Variants in DSP observed in about 807,000 individuals in gnomAD.
The protein encoded by DSP is 250/210 kDa paraneoplastic pemphigus antigen.
Under a neutral mutation model 290.6 loss-of-function variants are expected in DSP, and 114 were observed. That is an observed-to-expected ratio of 0.39 (90% CI 0.34 to 0.46). The LOEUF is 0.46. DSP is among the 20% of genes least tolerant of loss of function. The probability of loss-of-function intolerance (pLI) is 0.99; values close to 1 mark genes in which losing one functional copy is unlikely to be tolerated. For synonymous variants in DSP, 1,311 were observed against 1,316.4 expected (o/e 1.00, Z 0.09); for missense variants, 3,230 against 3,495.8 (o/e 0.92, Z 1.92).
At position 7,565,377 on chromosome 6, in the gene DSP, A is replaced by C. The variant is rs1758827543; in HGVS notation, c.796A>C (p.Met266Leu). 1 of 1,613,964 alleles carries C rather than the reference A, an allele frequency of 6.2e-7. No homozygotes were observed. The highest frequency in any genetic ancestry group is 1.3e-5 in the African/African-American group (1 of 74,896). ...ENLLKASFER[M>L]DHLRQLQNII... is the part of the protein sequence containing the mutation. ...TGTGCAGAAAGCGTCCTTTGAGAGG[A>C]TGGATCACCTGCGACAGCTGCAGAA... Residue 266 changes from methionine (M) to leucine (L), a missense_variant, in exon 7 of 24, where the codon ATG (methionine) becomes CTG (leucine). Physicochemically the swap from Met to Leu is conservative, Grantham distance 15 (BLOSUM62 2). This residue lies in a region of DSP where 646 missense variants were observed against 684.3 expected (regional missense o/e 0.94). Coordinates refer to ENST00000379802, the MANE Select transcript of DSP (RefSeq NM_004415.4). The surrounding 1 kb of genome is among the most constrained non-coding windows in gnomAD (Gnocchi z 4.2).
intron 1 of DSP, among the ~76,000 whole-genome samples, chr6:7,544,936 T>C (rs1039448892): frequency 2.2e-4 from 34 of 152,212 alleles, no homozygotes; most frequent in African/African-American, 7.7e-4. Flanking sequence ...AAATTTTGGA[T>C]TCTTCTTGGA....
chr6:7,566,248 C>T (rs1758860232), intron 7 of DSP, 129 bp from the exon 8 acceptor site: 9 of 770,728 alleles, frequency 1.2e-5, no homozygotes, highest in Non-Finnish European at 2.0e-5. Context: ...TTGAGGAAAA[C>T]AGCGTGATTC....
rs752057967 is a variant in DSP at position 7,583,854 on chromosome 6, C to G, written c.6592C>G (p.Leu2198Val). ...GTGCAGAATCGAACCACATACTGGT[C>G]TGCTCTTGCTTTCAGTACAGAAGAG... ...ERCRIEPHTG[L>V]LLLSVQKRSM... Residue 2198 changes from leucine to valine, a missense_variant, in exon 24 of 24, where the codon CTG becomes GTG. Physicochemically the swap from Leu to Val is conservative, Grantham distance 32. Around this residue, in one of 5 missense-constraint regions of DSP, gnomAD observed 1,714 missense variants for 1,844.5 expected, o/e 0.93. Transcript: ENST00000379802. The surrounding 1 kb of genome is among the most constrained non-coding windows in gnomAD (Gnocchi z 4.0). 2.5e-5 allele frequency: 41 copies of G among 1,614,012 alleles called. No homozygotes were observed. Among genetic ancestry groups the G allele is most frequent in the Non-Finnish European group, 3.3e-5 (39 of 1,180,038 alleles).
chr6:7,575,976 G>A (rs762800340), intron 18 of DSP, among the ~76,000 whole-genome samples: 19 of 152,216 alleles, frequency 1.2e-4, no homozygotes, highest in African/African-American at 4.1e-4. Flanking sequence ...ACTTAGTATC[G>A]TGCTTTCAGA....
At chr6:7,570,171 T>C (rs1397680488) in intron 12 of DSP, among the ~76,000 whole-genome samples, 2 of 152,206 alleles carry the variant, frequency 1.3e-5, no homozygotes, top group East Asian at 1.9e-4. Context: ...CTTAGACCTC[T>C]GTCAATTACA....
Position 7,558,223 on chromosome 6 carries a change from G to A in DSP, c.381G>A (p.Glu127=). The A allele has an allele frequency of 6.2e-7, 1 of 1,614,244 alleles. No homozygotes were observed. The highest frequency in any genetic ancestry group is 1.1e-5 in the South Asian group (1 of 91,084). The change falls in exon 3 of 24, where the codon GAG becomes GAA. Residue 127 remains glutamate, a synonymous_variant. Coordinates refer to ENST00000379802, the MANE Select transcript of DSP (RefSeq NM_004415.4). ...QMEILDSLIR[E]MRQMGQPCDA... ...AAATCCTCGACAGCTTGATCAGAGA[G>A]ATGCGGCAGATGGGCCAGCCCTGTG... is the stretch of plus-strand genomic sequence containing the variant.
chr6:7,583,384 G>C lies in DSP; in HGVS notation c.6122G>C (p.Ser2041Thr). 6.2e-7 allele frequency: 1 copy of C among 1,614,124 alleles called. No individual in the cohort carries two copies. Among genetic ancestry groups the C allele is most frequent in the Non-Finnish European group, 8.5e-7 (1 of 1,180,042 alleles). The change falls in exon 24 of 24, where the codon AGC becomes ACC. Residue 2041 changes from serine to threonine, a missense_variant. By Grantham distance (58) the Ser-to-Thr change is moderately conservative. Transcript: ENST00000379802. This position sits in a 1 kb window ranked among gnomAD's most constrained non-coding sequence, Gnocchi z 4.0. ...GAGGCCAAGAGAAAGAAATTAATCA[G>C]CCCAGAATCCACAGTCATGCTTCTG... ...LVEAKRKKLI[S>T]PESTVMLLEA...
Position 7,585,313 on chromosome 6 carries a change from TGGC to T in DSP, c.8052_8054del (p.Met2684_Ala2685delinsIle), listed in dbSNP as rs1759615468. 1 of 1,614,096 alleles carries T rather than the reference TGGC, an allele frequency of 6.2e-7. No homozygotes were observed. ...TCCCAGGGTGTGATTGACCAAGACA[TGGC>T]CACCAGGCTGAAGCCTGCTCAGAAA... On this transcript the variant is annotated inframe_deletion, in exon 24 of 24. Transcript: ENST00000379802.
rs1581799899 is a variant in DSP, at chr6:7,565,913, C to T, written c.939+393C>T. The T allele has an allele frequency of 8.8e-6, 3 of 340,074 alleles. No individual in the cohort carries two copies. Among genetic ancestry groups the T allele is most frequent in the Non-Finnish European group, 1.7e-5 (3 of 178,690 alleles). The allele number at this position is 340,074 out of a possible 1,614,324, so 21.1% of individuals were successfully genotyped here. A position where few individuals can be genotyped will look rare whatever the true frequency, so the allele number is the denominator to read the frequency against. ...ATCGTGGGTGATGAAATAACCTGTA[C>T]AACAAATCCCTGTGATACAAGTTTA... On this transcript the variant is annotated intron_variant, in intron 7 of 23. Transcript: ENST00000379802. The surrounding 1 kb of genome is among the most constrained non-coding windows in gnomAD (Gnocchi z 4.2).
chr6:7,549,708 T>A (rs974287048), intron 1 of DSP, among the ~76,000 whole-genome samples: 3 of 152,142 alleles, frequency 2.0e-5, no homozygotes, highest in Non-Finnish European at 4.4e-5. Flanking sequence ...TATGAGTCTT[T>A]CTGGCATATG....
chr6:7,574,409 C>T lies in DSP; in HGVS notation c.2297+157C>T, dbSNP rs368528785. ...GAGAGCATGTTAATTCCGCTAGCCT[C>T]GCATGTTAATTCCACTATTCTGAAC... On this transcript the variant is annotated intron_variant, in intron 16 of 23. Coordinates refer to ENST00000379802, the MANE Select transcript of DSP (RefSeq NM_004415.4). Among the ~76,000 whole-genome samples, 5 of 152,078 alleles carry T rather than the reference C, an allele frequency of 3.3e-5. No individual in the cohort carries two copies. In the East Asian group the frequency reaches 5.8e-4, roughly 18 times the overall value.
In DSP at chr6:7,552,875, GTGGTATAACTAAT is replaced by G. The variant is rs528910185; in HGVS notation, c.171-2842_171-2830del. Among the ~76,000 whole-genome samples, 708 of 152,248 alleles carry G rather than the reference GTGGTATAACTAAT, an allele frequency of 4.7e-3. 7 individuals are homozygous for G. The highest frequency in any genetic ancestry group is 0.018 in the East Asian group (92 of 5,184). On this transcript the variant is annotated intron_variant, in intron 1 of 23. Coordinates refer to ENST00000379802, the MANE Select transcript of DSP (RefSeq NM_004415.4). Reference sequence around the variant, plus strand: ...TCCTGGATGTAATTCGTTTCTAACTGTGGTATAACTAATCAGTCTAGTTCTTGGGTAAAAAGAA... The same window carrying G: ...TCCTGGATGTAATTCGTTTCTAACTGCAGTCTAGTTCTTGGGTAAAAAGAA...
chr6:7,564,905 G>A (rs927122196), intron 6 of DSP, among the ~76,000 whole-genome samples: 1 of 152,164 alleles, frequency 6.6e-6, no homozygotes. Flanking sequence ...AGCACTTTGG[G>A]GGGCCGAGGT....
In DSP at chr6:7,570,582, T is replaced by C; in HGVS notation, c.1701+19T>C. ...CGCCAAGGTATGTCCTCAGGGCCAC[T>C]TAGGCTGCCTGGAGGGAGGGCAGCG... On this transcript the variant is annotated intron_variant, in intron 13 of 23. Transcript: ENST00000379802. 6.2e-7 allele frequency: 1 copy of C among 1,612,256 alleles called. No individual in the cohort carries two copies. The highest frequency in any genetic ancestry group is 8.5e-7 in the Non-Finnish European group (1 of 1,179,928).
intron 18 of DSP, 58 bp downstream of exon 18, chr6:7,575,546 A>G: frequency 6.2e-7 from 1 of 1,603,012 alleles, no homozygotes. Context: ...TGTTCACAAG[A>G]TAATGTCACT....
intron 10 of DSP, 129 bp downstream of exon 10, chr6:7,568,035 TCA>T: frequency 7.2e-7 from 1 of 1,395,922 alleles, no homozygotes; most frequent in South Asian, 1.2e-5. Flanking sequence ...AGCATTTTCT[TCA>T]GCTTCCAGTG....
chr6:7,577,225 G>A (rs1759267980), intron 20 of DSP, among the ~76,000 whole-genome samples, 183 bp downstream of exon 20: 2 of 152,226 alleles, frequency 1.3e-5, no homozygotes, highest in African/African-American at 4.8e-5. Flanking sequence ...CACATTGGCA[G>A]TATCCATTTG....
chr6:7,554,715 G>C (rs1758454088), intron 1 of DSP, among the ~76,000 whole-genome samples: 1 of 152,118 alleles, frequency 6.6e-6, no homozygotes, highest in African/African-American at 2.4e-5. Context: ...TGTGATCATA[G>C]CTCACTGTAG....
At chr6:7,576,036 A>T (rs1008256702) in intron 18 of DSP, among the ~76,000 whole-genome samples, 4 of 151,788 alleles carry the variant, frequency 2.6e-5, no homozygotes, top group Non-Finnish European at 5.9e-5. Context: ...TATTTTTTTC[A>T]TGTGTTTTTA....
Sources: gnomAD v4.1 joint callset for allele counts (sites outside exome capture counted in the v4.1 genomes callset) on GRCh38, gnomAD v4.1.1 for gene constraint, gnomAD v4.1.1 regional missense constraint, Gnocchi (gnomAD v3.1) non-coding constraint, MANE v1.5 for transcripts, NCBI Gene and HGNC (gene_info 2026-07-23, HGNC 2026-07-21) for gene names.